The following SOX5 variants were observed in gnomAD, a reference collection of about 807,000 sequenced individuals.
SOX5 encodes the protein SRY-box transcription factor 5, also known as transcription factor SOX-5.
In SOX5, 9 loss-of-function variants were observed where a neutral mutation model predicts 92.0. The ratio of observed to expected loss-of-function variants is 0.10; its 90% CI spans 0.06 to 0.17. The LOEUF (loss-of-function observed/expected upper bound fraction) is 0.17. Among genes scored for constraint, SOX5 ranks in the 10% least tolerant of loss-of-function variants. The pLI is 1.00. For missense variants in SOX5, 642 were observed against 944.5 expected, an observed-to-expected ratio of 0.68 and a Z score of 4.20; for synonymous variants, 344 against 336.3, an observed-to-expected ratio of 1.02 and a Z score of -0.25.
chr12:24,022,365 T>G lies in SOX5; in HGVS notation c.-1-126341A>C, dbSNP rs1954393298. 2.6e-5 allele frequency among the ~76,000 whole-genome samples: 4 copies of G among 152,082 alleles called. No individual in the cohort carries two copies. The South Asian group carries it at 8.3e-4, about 32-fold the overall frequency. ...AAGGGACATGAGTCTAGAACTTAGGTGGCAAGGCAGAGAGCAGCACAAGAT... is the reference window on the plus strand; with the variant it reads ...AAGGGACATGAGTCTAGAACTTAGGGGGCAAGGCAGAGAGCAGCACAAGAT... On this transcript the variant is annotated intron_variant, in intron 4 of 4. Transcript: ENST00000446891.
intron 1 of SOX5, among the ~76,000 whole-genome samples, chr12:24,558,888 C>A (rs926559877): frequency 2.6e-5 from 4 of 152,178 alleles, no homozygotes; most frequent in African/African-American, 9.7e-5. Flanking sequence ...AACCATAATT[C>A]TTTAATTCAT....
intron 4 of SOX5, among the ~76,000 whole-genome samples, chr12:24,008,550 A>T (rs1344850804): frequency 2.0e-5 from 3 of 152,178 alleles, no homozygotes; most frequent in South Asian, 2.1e-4. Context: ...AAGAAAAAAA[A>T]ATCCAAGCTC....
chr12:23,665,313 T>C, intron 7 of SOX5, 131 bp downstream of exon 7: 1 of 979,860 alleles, frequency 1.0e-6, no homozygotes. Flanking sequence ...CCACACATTC[T>C]GTGTGTTTCC....
At chr12:24,348,720 C>G (rs1953670060) in intron 2 of SOX5, among the ~76,000 whole-genome samples, 2 of 152,068 alleles carry the variant, frequency 1.3e-5, no homozygotes, top group African/African-American at 4.8e-5. Context: ...GGCTGTGTCC[C>G]CCTCAAATCT....
intron 8 of SOX5, among the ~76,000 whole-genome samples, chr12:23,620,262 T>TA (rs2077018750): frequency 6.6e-6 from 1 of 152,088 alleles, no homozygotes; most frequent in African/African-American, 2.4e-5. Context: ...GAGAGATGTC[T>TA]ACAAAGGTAG....
At chr12:23,643,857 G>C (rs2080463178) in intron 7 of SOX5, among the ~76,000 whole-genome samples, 1 of 152,144 alleles carries the variant, frequency 6.6e-6, no homozygotes, top group South Asian at 2.1e-4. Context: ...GGCAGGAAGT[G>C]TAGACCCTCG....
intron 3 of SOX5, among the ~76,000 whole-genome samples, chr12:23,793,540 G>T (rs142671532): frequency 6.6e-6 from 1 of 152,280 alleles, no homozygotes; most frequent in East Asian, 1.9e-4. Flanking sequence ...ATTTTATGGG[G>T]TATAGGTGGG....
chr12:24,093,401 T>C (rs2137813560), intron 4 of SOX5, among the ~76,000 whole-genome samples: 1 of 151,904 alleles, frequency 6.6e-6, no homozygotes, highest in Admixed American at 6.6e-5. Context: ...CGGGCGCCTG[T>C]AGTCCCAACT....
chr12:23,990,732 C>G (rs772483109), intron 4 of SOX5, among the ~76,000 whole-genome samples: 14 of 152,102 alleles, frequency 9.2e-5, no homozygotes, highest in Non-Finnish European at 1.9e-4. Context: ...CTTGAGGGAA[C>G]AGACATTGTC....
intron 4 of SOX5, among the ~76,000 whole-genome samples, chr12:24,016,664 G>C (rs993186302): frequency 3.2e-4 from 48 of 152,304 alleles, no homozygotes; most frequent in African/African-American, 1.1e-3. Flanking sequence ...GACCATCTGG[G>C]TATATCACAA....
chr12:23,910,131 T>C (rs1182715796), intron 1 of SOX5, among the ~76,000 whole-genome samples: 1 of 152,156 alleles, frequency 6.6e-6, no homozygotes, highest in Non-Finnish European at 1.5e-5. Context: ...ACTTTTGATT[T>C]CAAGATAGTT....
chr12:24,530,036 A>T (rs2138632979), intron 1 of SOX5, among the ~76,000 whole-genome samples: 1 of 151,814 alleles, frequency 6.6e-6, no homozygotes, highest in East Asian at 1.9e-4. Context: ...AAAAAAAAAA[A>T]AAAAAGCCGT....
Position 23,536,503 on chromosome 12 carries a change from C to A in SOX5, c.1938G>T (p.Lys646Asn). The A allele has an allele frequency of 6.2e-7, 1 of 1,614,168 alleles. No homozygotes were observed. Among genetic ancestry groups the A allele is most frequent in the Non-Finnish European group, 8.5e-7 (1 of 1,180,022 alleles). The part of the protein sequence containing the change: ...DGKKLRIGEY[K>N]AIMRNRRQEM... ...CCTGCCGCCTGTTGCGCATGATTGC[C>A]TTGTATTCACCAATGCGCAGCTTTT... The change falls in exon 14 of 15, where the codon AAG becomes AAT. Residue 646 changes from lysine (K) to asparagine (N), a missense_variant. By Grantham distance (94) the Lys-to-Asn change is moderately conservative. Coordinates refer to ENST00000451604, the MANE Select transcript of SOX5 (RefSeq NM_006940.6).
chr12:23,677,910 T>G (rs1289430073), intron 6 of SOX5, among the ~76,000 whole-genome samples: 1 of 152,150 alleles, frequency 6.6e-6, no homozygotes, highest in African/African-American at 2.4e-5. Context: ...TAGGGCCAAG[T>G]TAATGACTAG....
At chr12:24,047,254 C>T (rs528834310) in intron 4 of SOX5, among the ~76,000 whole-genome samples, 11 of 152,250 alleles carry the variant, frequency 7.2e-5, no homozygotes, top group Admixed American at 7.2e-4. Flanking sequence ...ACTGGCTAAT[C>T]TAGAAATATA....
chr12:24,118,643 A>G (rs1432776509), intron 4 of SOX5, among the ~76,000 whole-genome samples: 1 of 152,142 alleles, frequency 6.6e-6, no homozygotes, highest in African/African-American at 2.4e-5. Context: ...AGGCAGGAAA[A>G]TTCATCTGTA....
chr12:23,841,972 C>A (rs2096524028), intron 3 of SOX5, among the ~76,000 whole-genome samples: 1 of 151,802 alleles, frequency 6.6e-6, no homozygotes, highest in Non-Finnish European at 1.5e-5. Context: ...TTAACATAAG[C>A]AAAATTTTAA....
At chr12:24,001,716 ATTTGTGTG>A (rs1409394128) in intron 4 of SOX5, among the ~76,000 whole-genome samples, 1 of 152,194 alleles carries the variant, frequency 6.6e-6, no homozygotes, top group East Asian at 1.9e-4. Flanking sequence ...GTATTTGTGT[ATTTGTGTG>A]TTTGTGTGAA....
chr12:24,223,587 A>T (rs1313085275), intron 3 of SOX5, among the ~76,000 whole-genome samples: 1 of 152,068 alleles, frequency 6.6e-6, no homozygotes, highest in Non-Finnish European at 1.5e-5. Flanking sequence ...GGCCATCTTT[A>T]TACTGAAAAA....
Sources: gnomAD v4.1 joint callset for allele counts (sites outside exome capture counted in the v4.1 genomes callset) on GRCh38, gnomAD v4.1.1 for gene constraint, MANE v1.5 for transcripts, NCBI Gene and HGNC (gene_info 2026-07-23, HGNC 2026-07-21) for gene names.